Variants in PRELID2 observed in about 807,000 individuals in gnomAD.
The protein encoded by PRELID2 is PRELI domain-containing protein 2.
Under a neutral mutation model 28.4 loss-of-function variants are expected in PRELID2, and 25 were observed. The observed-to-expected ratio is 0.88, with a 90% CI of 0.64 to 1.23. The LOEUF is 1.23. Ranked by LOEUF, PRELID2 falls within the 50% of genes most tolerant of loss-of-function variation. The pLI, the probability that PRELID2 is intolerant of heterozygous loss-of-function variation, is 0.00. For synonymous variants in PRELID2, 76 were observed against 71.6 expected (o/e 1.06, Z -0.31); for missense variants, 201 against 214.4 (o/e 0.94, Z 0.39).
At chr5:145,636,842 G>A (rs957920435) in intron 1 of PRELID2, among the ~76,000 whole-genome samples, 1 of 152,168 alleles carries the variant, frequency 6.6e-6, no homozygotes, top group African/African-American at 2.4e-5. Flanking sequence ...CCTTAGAGAA[G>A]CATTACTGAA....
At chr5:145,573,422 C>A (rs1753031832) in intron 1 of PRELID2, among the ~76,000 whole-genome samples, 2 of 151,694 alleles carry the variant, frequency 1.3e-5, no homozygotes, top group Non-Finnish European at 2.9e-5. Flanking sequence ...TGGTGGTTTG[C>A]TGCACCTATC....
At chr5:145,453,547 T>C in the PRELID2 span, among the ~76,000 whole-genome samples, 1 of 152,134 alleles carries the variant, frequency 6.6e-6, no homozygotes, top group Non-Finnish European at 1.5e-5. Context: ...AGTACCATGG[T>C]GGTTTGCTGC....
chr5:145,775,177 T>A (rs999493201), intron 5 of PRELID2, among the ~76,000 whole-genome samples: 24 of 151,862 alleles, frequency 1.6e-4, no homozygotes, highest in African/African-American at 5.8e-4. Context: ...GAGGTGGAGG[T>A]TGCAGTGAGC....
At chr5:145,264,287 A>G in the PRELID2 span, among the ~76,000 whole-genome samples, 1 of 152,200 alleles carries the variant, frequency 6.6e-6, no homozygotes, top group Non-Finnish European at 1.5e-5. Context: ...CAAAACGATA[A>G]TCTACCATGA....
rs574311078 is a variant in PRELID2 at position 145,570,285 on chromosome 5, C to G, written n.71-96970G>C. 5.3e-5 allele frequency among the ~76,000 whole-genome samples: 8 copies of G among 152,240 alleles called. 1 individual carries two copies. In the South Asian group the frequency reaches 1.7e-3, roughly 32 times the overall value. On this transcript the variant is annotated intron_variant and non_coding_transcript_variant, in intron 1 of 2. Coordinates refer to the PRELID2 transcript ENST00000510259. The stretch of plus-strand genomic sequence containing the variant: ...ACACAATCCAACCCATAACAAGCCT[C>G]CAGAACAGAGGTACTCACATCAGAG...
chr5:145,241,472 C>T, the PRELID2 span, among the ~76,000 whole-genome samples: 2 of 152,006 alleles, frequency 1.3e-5, no homozygotes, highest in Non-Finnish European at 2.9e-5. Context: ...TTACATGTTT[C>T]GTTGCTCTTG....
At chr5:145,796,799 A>G (rs973587601) in intron 4 of PRELID2, among the ~76,000 whole-genome samples, 1 of 152,154 alleles carries the variant, frequency 6.6e-6, no homozygotes, top group African/African-American at 2.4e-5. Flanking sequence ...AGTCTGAGGT[A>G]ATTATCAATG....
the PRELID2 span, among the ~76,000 whole-genome samples, chr5:145,466,258 A>G: frequency 1.6e-3 from 246 of 152,264 alleles, 1 homozygote; most frequent in African/African-American, 5.7e-3. Flanking sequence ...GAATACAAAC[A>G]TAAGCATACC....
In PRELID2 at chr5:145,756,898, A is replaced by G. The variant is rs941298732; in HGVS notation, c.*3638T>C. 3.9e-5 allele frequency among the ~76,000 whole-genome samples: 6 copies of G among 152,202 alleles called. No individual in the cohort carries two copies. Among genetic ancestry groups the G allele is most frequent in the African/African-American group, 1.4e-4 (6 of 41,460 alleles). Reference sequence around the variant, plus strand: ...AGGGAAAAGAAAAACTCTAAAAACCATGGTAGAACTCAAAGAGCAAATGTA... The same window carrying G: ...AGGGAAAAGAAAAACTCTAAAAACCGTGGTAGAACTCAAAGAGCAAATGTA... On this transcript the variant is annotated 3_prime_UTR_variant, in exon 7 of 7. Transcript: ENST00000683046.
intron 1 of PRELID2, among the ~76,000 whole-genome samples, chr5:145,499,139 T>C (rs760636822): frequency 6.6e-6 from 1 of 152,118 alleles, no homozygotes; most frequent in Admixed American, 6.6e-5. Flanking sequence ...TTCTAGCTAC[T>C]TGGGAGGCTA....
the PRELID2 span, among the ~76,000 whole-genome samples, chr5:145,410,980 T>A: frequency 6.6e-6 from 1 of 151,946 alleles, no homozygotes; most frequent in Admixed American, 6.6e-5. Flanking sequence ...GGTACAGGCA[T>A]TGGGTAAATA....
At chr5:145,364,229 T>C in the PRELID2 span, among the ~76,000 whole-genome samples, 1 of 151,978 alleles carries the variant, frequency 6.6e-6, no homozygotes, top group South Asian at 2.1e-4. Flanking sequence ...ATATCCAAAT[T>C]GAAATGCTTT....
the PRELID2 span, among the ~76,000 whole-genome samples, chr5:145,438,733 A>G: frequency 6.6e-6 from 1 of 152,150 alleles, no homozygotes; most frequent in African/African-American, 2.4e-5. Context: ...CGGAAACCTC[A>G]TGCCTATCTT....
the PRELID2 span, among the ~76,000 whole-genome samples, chr5:145,333,550 C>T: frequency 6.6e-6 from 1 of 152,138 alleles, no homozygotes; most frequent in African/African-American, 2.4e-5. Flanking sequence ...TCAAACTTCC[C>T]AATGGCTTTG....
the PRELID2 span, among the ~76,000 whole-genome samples, chr5:145,449,296 G>A: frequency 6.6e-6 from 1 of 152,082 alleles, no homozygotes; most frequent in Admixed American, 6.6e-5. Flanking sequence ...TGGTGAATGA[G>A]GGGGTTTTAT....
chr5:145,671,482 T>G lies in PRELID2; in HGVS notation n.70+93449A>C, dbSNP rs77211677. Among the ~76,000 whole-genome samples, 4 of 152,304 alleles carry G rather than the reference T, an allele frequency of 2.6e-5. No homozygotes were observed. In the East Asian group the frequency reaches 7.7e-4, roughly 29 times the overall value. On this transcript the variant is annotated intron_variant and non_coding_transcript_variant, in intron 1 of 2. Transcript: ENST00000510259. ...TTGGTATTATTCTGCCACTTAGTTT[T>G]GACAACAAAGAGCAGTTGTCAACAG... is the stretch of plus-strand genomic sequence containing the variant.
the PRELID2 span, among the ~76,000 whole-genome samples, chr5:145,308,018 G>C: frequency 6.6e-6 from 1 of 152,002 alleles, no homozygotes; most frequent in African/African-American, 2.4e-5. Context: ...AAGTGAGAGA[G>C]CAGCACAGTG....
chr5:145,801,810 T>C (rs1270189444), intron 4 of PRELID2, among the ~76,000 whole-genome samples: 1 of 152,232 alleles, frequency 6.6e-6, no homozygotes, highest in African/African-American at 2.4e-5. Flanking sequence ...GTCCCCTCTC[T>C]AGAATCAATC....
the PRELID2 span, among the ~76,000 whole-genome samples, chr5:145,238,001 G>T: frequency 6.6e-6 from 1 of 152,014 alleles, no homozygotes; most frequent in Non-Finnish European, 1.5e-5. Context: ...CTGGAACGGG[G>T]CATATTTCAT....
Sources: gnomAD v4.1 joint callset for allele counts (sites outside exome capture counted in the v4.1 genomes callset) on GRCh38, gnomAD v4.1.1 for gene constraint, MANE v1.5 for transcripts, NCBI Gene and HGNC (gene_info 2026-07-23, HGNC 2026-07-21) for gene names.